Variants in SNX29 observed in about 807,000 individuals in gnomAD.
SNX29 encodes the protein sorting nexin 29.
SNX29 carries 78 observed loss-of-function variants against 102.1 expected under a neutral mutation model. The ratio of observed to expected loss-of-function variants is 0.76; its 90% confidence interval spans 0.64 to 0.92. The LOEUF is 0.92. Among genes scored for constraint, SNX29 ranks in the 40% least tolerant of loss-of-function variants. The probability of loss-of-function intolerance (pLI) is 0.00; values close to 1 mark genes in which losing one functional copy is unlikely to be tolerated. For missense variants in SNX29, 1,280 were observed against 1,061.7 expected, an observed-to-expected ratio of 1.21 and a Z score of -2.86; for synonymous variants, 580 against 414.5, an observed-to-expected ratio of 1.40 and a Z score of -4.85.
chr16:11,981,412 C>G (rs976897420), intron 1 of SNX29, among the ~76,000 whole-genome samples: 3 of 152,048 alleles, frequency 2.0e-5, no homozygotes, highest in African/African-American at 7.2e-5. Flanking sequence ...GCTCTTTTCA[C>G]TTTCTTGGTG....
chr16:12,352,060 G>A (rs1308323752), intron 15 of SNX29, among the ~76,000 whole-genome samples: 1 of 152,174 alleles, frequency 6.6e-6, no homozygotes, highest in African/African-American at 2.4e-5. Context: ...GCCCAGCCAT[G>A]ATTTGTTAAA....
intron 15 of SNX29, among the ~76,000 whole-genome samples, chr16:12,321,404 C>G (rs568977292): frequency 3.1e-4 from 47 of 152,354 alleles, no homozygotes; most frequent in African/African-American, 1.1e-3. Context: ...AGCCCCCACA[C>G]TTCCACCTCT....
intron 13 of SNX29, among the ~76,000 whole-genome samples, chr16:12,151,230 A>G (rs1303031202): frequency 6.6e-6 from 1 of 152,134 alleles, no homozygotes; most frequent in Non-Finnish European, 1.5e-5. Context: ...CAAGTCCTAG[A>G]TGTTACATCA....
At chr16:12,051,742 C>T (rs1377609940) in intron 7 of SNX29, 105 bp from the exon 8 acceptor site, 70 of 1,453,840 alleles carry the variant, frequency 4.8e-5, no homozygotes, top group Non-Finnish European at 6.2e-5. Context: ...CAGTGTATTT[C>T]TCACTCGAAT....
intron 17 of SNX29, among the ~76,000 whole-genome samples, chr16:12,403,059 T>G (rs570121678): frequency 4.1e-4 from 63 of 152,274 alleles, no homozygotes; most frequent in African/African-American, 1.3e-3. Context: ...GTGTGTGACC[T>G]CCTGTGATCG....
chr16:12,443,581 G>C (rs540802750), intron 18 of SNX29, among the ~76,000 whole-genome samples: 3 of 152,264 alleles, frequency 2.0e-5, no homozygotes, highest in African/African-American at 7.2e-5. Context: ...CTCCCAATTA[G>C]CTGGAACTAC....
chr16:12,425,424 G>A (rs910887493), intron 18 of SNX29, among the ~76,000 whole-genome samples: 4 of 151,418 alleles, frequency 2.6e-5, no homozygotes, highest in South Asian at 4.2e-4. Flanking sequence ...CTTAGTCACC[G>A]GAGCACAGAT....
intron 19 of SNX29, among the ~76,000 whole-genome samples, chr16:12,513,769 C>G (rs1332342946): frequency 1.3e-5 from 2 of 152,222 alleles, no homozygotes; most frequent in Non-Finnish European, 2.9e-5. Context: ...CTTCGTGAAG[C>G]TTTGCTAACA....
At chr16:12,554,103 C>G (rs1414229053) in intron 20 of SNX29, among the ~76,000 whole-genome samples, 1 of 152,240 alleles carries the variant, frequency 6.6e-6, no homozygotes, top group Non-Finnish European at 1.5e-5. Context: ...CTTGGGATTA[C>G]AGGTCTAAGC....
chr16:12,158,300 A>G (rs2055639772), intron 13 of SNX29, among the ~76,000 whole-genome samples: 1 of 152,112 alleles, frequency 6.6e-6, no homozygotes, highest in Non-Finnish European at 1.5e-5. Flanking sequence ...CCAGGGTTCA[A>G]GTAATTCTCC....
At chr16:12,536,137 C>T (rs776728264) in intron 20 of SNX29, among the ~76,000 whole-genome samples, 3 of 152,186 alleles carry the variant, frequency 2.0e-5, no homozygotes, top group Non-Finnish European at 2.9e-5. Context: ...TTGGTGCTGG[C>T]ACTCGCCTGT....
At chr16:12,443,281 C>T (rs1000029747) in intron 18 of SNX29, 32 of 231,366 alleles carry the variant, frequency 1.4e-4, no homozygotes, top group African/African-American at 3.4e-4. Flanking sequence ...CCACGCTGTT[C>T]CTCCCTGACT....
At chr16:12,207,007 A>G (rs946420448) in intron 14 of SNX29, among the ~76,000 whole-genome samples, 1 of 152,068 alleles carries the variant, frequency 6.6e-6, no homozygotes, top group Non-Finnish European at 1.5e-5. Flanking sequence ...ATCAAGGTGC[A>G]CTTTTCTTCT....
intron 20 of SNX29, chr16:12,557,676 G>T (rs1350730030): frequency 6.6e-6 from 1 of 152,160 alleles, no homozygotes; most frequent in East Asian, 1.9e-4. Context: ...AAATCTTTTT[G>T]ATGAGTGGCA....
rs12599090 is a variant in SNX29, at chr16:12,093,484, C to T, written c.1402+14569C>T. The T allele has an allele frequency of 2.6e-5, 4 of 152,182 alleles. No individual in the cohort carries two copies. The East Asian group carries it at 7.7e-4, about 29-fold the overall frequency. 9.4% of individuals were successfully genotyped at this position (152,182 alleles called of 1,614,324 possible). A position where few individuals can be genotyped will look rare whatever the true frequency, so the allele number is the denominator to read the frequency against. On this transcript the variant is annotated intron_variant, in intron 11 of 20. Coordinates refer to ENST00000566228, the MANE Select transcript of SNX29 (RefSeq NM_032167.5). ...GACAGAAAAGCCAGACATGGTGGCA[C>T]GTGCCTGTAATCCCAGCTACTCGGA...
At chr16:12,235,350 G>A (rs1321077805) in intron 14 of SNX29, among the ~76,000 whole-genome samples, 2 of 152,136 alleles carry the variant, frequency 1.3e-5, no homozygotes, top group African/African-American at 4.8e-5. Context: ...AGCTTGCTGT[G>A]TATGAGGCTG....
chr16:12,312,191 T>G (rs947942106), intron 15 of SNX29, among the ~76,000 whole-genome samples: 2 of 152,234 alleles, frequency 1.3e-5, no homozygotes, highest in Non-Finnish European at 2.9e-5. Flanking sequence ...GGGGGCTATT[T>G]AGCAGCTGCA....
At chr16:12,148,109 T>C (rs2055143719) in intron 13 of SNX29, among the ~76,000 whole-genome samples, 1 of 152,208 alleles carries the variant, frequency 6.6e-6, no homozygotes, top group Non-Finnish European at 1.5e-5. Context: ...GTAGCCATCA[T>C]GAAAATGTTT....
intron 18 of SNX29, among the ~76,000 whole-genome samples, chr16:12,465,344 A>C (rs2087002619): frequency 6.6e-6 from 1 of 152,246 alleles, no homozygotes; most frequent in African/African-American, 2.4e-5. Flanking sequence ...GGAGTTTTAC[A>C]GATCTTACAC....
Sources: allele counts gnomAD v4.1 joint callset (sites outside exome capture counted in the v4.1 genomes callset), GRCh38; gene constraint gnomAD v4.1.1; transcripts MANE v1.5; gene names NCBI Gene and HGNC (gene_info 2026-07-23, HGNC 2026-07-21).